Variants in UBE2J2 observed in about 807,000 individuals in gnomAD.
UBE2J2 encodes ubiquitin-conjugating enzyme E2 J2.
In UBE2J2, 5 loss-of-function variants were observed where a neutral mutation model predicts 28.6. The observed-to-expected ratio is 0.17, with a 90% CI of 0.09 to 0.37. The LOEUF (loss-of-function observed/expected upper bound fraction) is 0.37. Among genes scored for constraint, UBE2J2 ranks in the 10% least tolerant of loss-of-function variants. The pLI is 1.00. For missense variants in UBE2J2, 226 were observed against 338.9 expected (o/e 0.67, Z 2.62); for synonymous variants, 138 against 139.7 (o/e 0.99, Z 0.09).
chr1:1,263,111 G>A, intron 3 of UBE2J2: 1 of 490,428 alleles, frequency 2.0e-6, no homozygotes, highest in Non-Finnish European at 3.7e-6. Context: ...TATGGTGTCA[G>A]AGGCTGGTGA....
chr1:1,263,047 T>G (rs1365100836), intron 3 of UBE2J2: 5 of 348,570 alleles, frequency 1.4e-5, no homozygotes, highest in Non-Finnish European at 2.2e-5. Context: ...TAAGAAATAG[T>G]AGAACAGGCC....
chr1:1,266,458 G>A (rs1051324940), intron 2 of UBE2J2, among the ~76,000 whole-genome samples: 2 of 151,986 alleles, frequency 1.3e-5, no homozygotes, highest in African/African-American at 2.4e-5. Context: ...CCAGGGAGGC[G>A]GAGGTCACAG....
At chr1:1,266,588 A>G (rs375730970) in intron 2 of UBE2J2, among the ~76,000 whole-genome samples, 91 of 152,124 alleles carry the variant, frequency 6.0e-4, no homozygotes, top group Admixed American at 3.7e-3. Context: ...CTGGGAGGCC[A>G]AGGCGGGCGG....
chr1:1,264,488 G>C (rs1393981802), intron 2 of UBE2J2, among the ~76,000 whole-genome samples: 1 of 152,160 alleles, frequency 6.6e-6, no homozygotes, highest in Non-Finnish European at 1.5e-5. Flanking sequence ...AAAACTAATG[G>C]GGGCTGGGCT....
chr1:1,256,888 G>GA (rs57305655), intron 5 of UBE2J2, 104 bp downstream of exon 5: 92,201 of 507,236 alleles, frequency 0.18, 919 homozygotes, highest in African/African-American at 0.25. Context: ...TCCGTCTCAA[G>GA]AAAAAAAAAA....
chr1:1,256,504 GA>G lies in UBE2J2; in HGVS notation c.415-380del, dbSNP rs1639181570. On this transcript the variant is annotated intron_variant, in intron 5 of 6. Coordinates refer to ENST00000349431, the MANE Select transcript of UBE2J2 (RefSeq NM_058167.3). ...AAAAGCAAGACCGAGAGGCAGCGGG[GA>G]ACACGAGGCCACAGAGCAAAGCAGT... is the stretch of plus-strand genomic sequence containing the variant. Among the ~76,000 whole-genome samples the G allele has an allele frequency of 2.6e-5, 4 of 152,202 alleles. No individual in the cohort carries two copies. The South Asian group carries it at 8.3e-4, about 32-fold the overall frequency.
chr1:1,259,903 T>G (rs746535830), intron 3 of UBE2J2, among the ~76,000 whole-genome samples: 14 of 152,174 alleles, frequency 9.2e-5, no homozygotes, highest in Non-Finnish European at 1.8e-4. Flanking sequence ...GGTTCCAGTC[T>G]CTCTCCACTT....
rs558897338 is a variant in UBE2J2 at position 1,268,517 on chromosome 1, G to A, written c.1-525C>T. Among the ~76,000 whole-genome samples the A allele has an allele frequency of 1.4e-4, 22 of 152,228 alleles. No homozygotes were observed. The highest frequency in any genetic ancestry group is 7.7e-4 in the East Asian group (4 of 5,166). ...AGCCGCAGAACGGGGGAGCCTCTGCGGCTGGAGGGACGAGGACTCTGGAGA... is the reference window on the plus strand; with the variant it reads ...AGCCGCAGAACGGGGGAGCCTCTGCAGCTGGAGGGACGAGGACTCTGGAGA... On this transcript the variant is annotated intron_variant, in intron 1 of 6. Transcript: ENST00000349431. This position sits in a 1 kb window ranked among gnomAD's most constrained non-coding sequence, Gnocchi z 4.7.
chr1:1,258,185 G>A lies in UBE2J2; in HGVS notation c.173-875C>T, dbSNP rs568010129. ...CTCCTGAGTAGTTGGGACTATAGGCGCGCGCCACCACACCCAGCTAATTTT... is the reference window on the plus strand; with the variant it reads ...CTCCTGAGTAGTTGGGACTATAGGCACGCGCCACCACACCCAGCTAATTTT... On this transcript the variant is annotated intron_variant, in intron 3 of 6. Coordinates refer to ENST00000349431, the MANE Select transcript of UBE2J2 (RefSeq NM_058167.3). Among the ~76,000 whole-genome samples, 78 of 149,614 alleles carry A rather than the reference G, an allele frequency of 5.2e-4. 1 individual carries two copies. The highest frequency in any genetic ancestry group is 1.5e-3 in the African/African-American group (61 of 40,022).
intron 3 of UBE2J2, among the ~76,000 whole-genome samples, chr1:1,257,884 A>C (rs1639303656): frequency 6.6e-6 from 1 of 151,808 alleles, no homozygotes; most frequent in Non-Finnish European, 1.5e-5. Context: ...CCCTGCCCTG[A>C]CCTGATCCCC....
At chr1:1,272,715 T>C in intron 1 of UBE2J2, 1 of 190,180 alleles carries the variant, frequency 5.3e-6, no homozygotes, top group South Asian at 6.6e-5. Context: ...TGCCTGTCAC[T>C]CACGCACATC....
At chr1:1,261,378 G>A (rs1296873300) in intron 3 of UBE2J2, among the ~76,000 whole-genome samples, 1 of 152,180 alleles carries the variant, frequency 6.6e-6, no homozygotes, top group East Asian at 1.9e-4. Flanking sequence ...GATGGGAGGG[G>A]ACCAAGATAA....
intron 1 of UBE2J2, among the ~76,000 whole-genome samples, chr1:1,272,375 G>A (rs1458474534): frequency 2.0e-5 from 3 of 152,214 alleles, no homozygotes; most frequent in South Asian, 2.1e-4. Flanking sequence ...CTGTGCCCAG[G>A]TGCTGAGGCA....
rs192201770 is a variant in UBE2J2, at chr1:1,268,688, C to T, written c.1-696G>A. Among the ~76,000 whole-genome samples the T allele has an allele frequency of 2.0e-5, 3 of 152,262 alleles. No homozygotes were observed. The highest frequency in any genetic ancestry group is 7.2e-5 in the African/African-American group (3 of 41,550). On this transcript the variant is annotated intron_variant, in intron 1 of 6. Coordinates refer to ENST00000349431, the MANE Select transcript of UBE2J2 (RefSeq NM_058167.3). The surrounding 1 kb of genome is among the most constrained non-coding windows in gnomAD (Gnocchi z 4.7). Reference sequence around the variant, plus strand: ...ACTGGCCAGGGAGGCAGGGCCAGGGCATAAGAGTTTATTTACTTATTTTTC... The same window carrying T: ...ACTGGCCAGGGAGGCAGGGCCAGGGTATAAGAGTTTATTTACTTATTTTTC...
At position 1,267,491 on chromosome 1, in the gene UBE2J2, G is replaced by C. The variant is rs557290966; in HGVS notation, c.131+371C>G. On this transcript the variant is annotated intron_variant, in intron 2 of 6. Transcript: ENST00000349431. The stretch of plus-strand genomic sequence containing the variant: ...AGGCAGTTTCTCCTCTAAGTGCCTA[G>C]AGTGCACACCAGCAACAGCTGTGAA... Among the ~76,000 whole-genome samples the C allele has an allele frequency of 1.8e-4, 27 of 152,296 alleles. No homozygotes were observed. In the South Asian group the frequency reaches 5.0e-3, roughly 28 times the overall value.
At chr1:1,259,957 T>C (rs1639458869) in intron 3 of UBE2J2, among the ~76,000 whole-genome samples, 2 of 152,190 alleles carry the variant, frequency 1.3e-5, no homozygotes, top group African/African-American at 4.8e-5. Flanking sequence ...CGTGTTTCCC[T>C]CGTGTCTCTC....
intron 3 of UBE2J2, among the ~76,000 whole-genome samples, chr1:1,258,982 C>T (rs937082168): frequency 6.6e-6 from 1 of 152,240 alleles, no homozygotes; most frequent in Non-Finnish European, 1.5e-5. Context: ...CACCTGCATG[C>T]GTTGACGTGT....
chr1:1,258,033 T>G (rs1419143177), intron 3 of UBE2J2, among the ~76,000 whole-genome samples: 1 of 151,904 alleles, frequency 6.6e-6, no homozygotes, highest in African/African-American at 2.4e-5. Context: ...TCCCACTTTT[T>G]TTTGTTTTGT....
At position 1,260,174 on chromosome 1, in the gene UBE2J2, A is replaced by C. The variant is rs1570550655; in HGVS notation, c.173-2864T>G. On this transcript the variant is annotated intron_variant, in intron 3 of 6. Coordinates refer to ENST00000349431, the MANE Select transcript of UBE2J2 (RefSeq NM_058167.3). ...GACGGCATGAGCAAGTGCCACTGTC[A>C]CCCATCCTGGCGTGCGGCCACATCC... Among the ~76,000 whole-genome samples, 10 of 152,218 alleles carry C rather than the reference A, an allele frequency of 6.6e-5. No individual in the cohort carries two copies. The South Asian group carries it at 2.1e-3, about 32-fold the overall frequency.
Sources: allele counts gnomAD v4.1 joint callset (sites outside exome capture counted in the v4.1 genomes callset), GRCh38; gene constraint gnomAD v4.1.1; non-coding constraint Gnocchi (gnomAD v3.1); transcripts MANE v1.5; gene names NCBI Gene and HGNC (gene_info 2026-07-23, HGNC 2026-07-21).